PLXNA2: variants seen among roughly 807,000 people sequenced by gnomAD.
PLXNA2 encodes the protein plexin-A2.
A neutral mutation model predicts 193.5 loss-of-function variants in PLXNA2; 91 were observed. The observed-to-expected ratio is 0.47, with a 90% CI of 0.40 to 0.56. PLXNA2 has a LOEUF of 0.56. Among genes scored for constraint, PLXNA2 ranks in the 20% least tolerant of loss-of-function variants. The probability of loss-of-function intolerance (pLI) is 0.00; values close to 1 mark genes in which losing one functional copy is unlikely to be tolerated. For missense variants in PLXNA2, 1,995 were observed against 2,503.2 expected (o/e 0.80, Z 4.33); for synonymous variants, 997 against 1,027.3 (o/e 0.97, Z 0.56).
At chr1:208,189,942 C>T (rs529491620) in intron 3 of PLXNA2, among the ~76,000 whole-genome samples, 1 of 152,280 alleles carries the variant, frequency 6.6e-6, no homozygotes, top group East Asian at 1.9e-4. Flanking sequence ...GGAGAAATAT[C>T]TCCACCCTCT....
chr1:208,227,853 AG>A (rs1432217850), intron 1 of PLXNA2, among the ~76,000 whole-genome samples: 7 of 152,344 alleles, frequency 4.6e-5, no homozygotes, highest in Admixed American at 2.0e-4. Context: ...GGGGCAGGAG[AG>A]CAAGCTTAAA....
chr1:208,156,801 G>A (rs902567715), intron 3 of PLXNA2, among the ~76,000 whole-genome samples: 3 of 152,146 alleles, frequency 2.0e-5, no homozygotes, highest in African/African-American at 7.2e-5. Flanking sequence ...GCATGACAGG[G>A]TGCTTAAAAA....
intron 1 of PLXNA2, among the ~76,000 whole-genome samples, chr1:208,220,054 G>T (rs1054611228): frequency 6.6e-6 from 1 of 152,194 alleles, no homozygotes; most frequent in African/African-American, 2.4e-5. Context: ...TGCCCCTGTC[G>T]CTGGGAAGAA....
chr1:208,238,384 C>T (rs1225725420), intron 1 of PLXNA2, among the ~76,000 whole-genome samples: 1 of 152,188 alleles, frequency 6.6e-6, no homozygotes, highest in South Asian at 2.1e-4. Flanking sequence ...TGTTTTTCTT[C>T]TTTCTTTTCT....
chr1:208,062,655 C>T (rs991469765), intron 12 of PLXNA2, among the ~76,000 whole-genome samples: 15 of 152,126 alleles, frequency 9.9e-5, no homozygotes, highest in Admixed American at 3.9e-4. Context: ...AAAATATCCC[C>T]CTTATGAATA....
intron 3 of PLXNA2, among the ~76,000 whole-genome samples, chr1:208,181,890 C>G (rs1308352623): frequency 6.6e-6 from 1 of 152,132 alleles, no homozygotes; most frequent in African/African-American, 2.4e-5. Context: ...TGAAATTTTG[C>G]TAGGAAAGAA....
intron 12 of PLXNA2, among the ~76,000 whole-genome samples, chr1:208,075,723 T>A (rs187709712): frequency 6.6e-6 from 1 of 150,734 alleles, no homozygotes; most frequent in South Asian, 2.1e-4. Context: ...TTAGTTGGAA[T>A]CTAGTGTAAA....
chr1:208,234,997 C>A (rs1366514733), intron 1 of PLXNA2, among the ~76,000 whole-genome samples: 2 of 152,188 alleles, frequency 1.3e-5, no homozygotes, highest in African/African-American at 4.8e-5. Flanking sequence ...TGCAGCCAGG[C>A]AGCCAGATAC....
intron 3 of PLXNA2, among the ~76,000 whole-genome samples, chr1:208,144,504 T>G (rs774151701): frequency 6.6e-6 from 1 of 152,042 alleles, no homozygotes. Context: ...GGGTCCCCGG[T>G]GGTAGAAACA....
chr1:208,065,683 A>G (rs1665769003), intron 12 of PLXNA2, among the ~76,000 whole-genome samples: 1 of 152,194 alleles, frequency 6.6e-6, no homozygotes, highest in Non-Finnish European at 1.5e-5. Context: ...CCCGGGGTAC[A>G]AAGAGCTGCT....
Position 208,039,654 on chromosome 1 carries a change from C to T in PLXNA2, c.4467G>A (p.Lys1489=). 1.2e-6 allele frequency: 2 copies of T among 1,614,198 alleles called. No individual in the cohort carries two copies. Among genetic ancestry groups the T allele is most frequent in the Non-Finnish European group, 1.7e-6 (2 of 1,180,048 alleles). ...GEARYSLSED[K]LIRQQIEYKT... ...TGTACTCGATCTGCTGCCGGATGAG[C>T]TTGTCCTCGCTCAGGGAGTAGCGGG... Residue 1489 remains lysine, a synonymous_variant, in exon 24 of 32, where the codon AAG becomes AAA. Coordinates refer to ENST00000367033, the MANE Select transcript of PLXNA2 (RefSeq NM_025179.4).
chr1:208,038,235 C>T lies in PLXNA2; in HGVS notation c.4764+136G>A, dbSNP rs1170796231. On this transcript the variant is annotated intron_variant, in intron 26 of 31. Coordinates refer to ENST00000367033, the MANE Select transcript of PLXNA2 (RefSeq NM_025179.4). The surrounding 1 kb of genome is among the most constrained non-coding windows in gnomAD (Gnocchi z 4.1). The stretch of plus-strand genomic sequence containing the variant: ...CAATGGGCAGCCATGGCTAAGAATC[C>T]CTGTTCTATGCTCCAGCAGGAGGAG... 4.5e-6 allele frequency: 3 copies of T among 670,242 alleles called. No homozygotes were observed. Among genetic ancestry groups the T allele is most frequent in the Non-Finnish European group, 8.1e-6 (3 of 369,712 alleles). 41.5% of individuals were successfully genotyped at this position (670,242 alleles called of 1,614,324 possible).
intron 29 of PLXNA2, chr1:208,031,017 C>T (rs968286102): frequency 3.1e-5 from 31 of 987,614 alleles, no homozygotes; most frequent in South Asian, 4.7e-5. Context: ...AAAGCTATGG[C>T]GCCAGGATAA....
chr1:208,216,406 C>T (rs992492585), intron 2 of PLXNA2, among the ~76,000 whole-genome samples: 11 of 152,198 alleles, frequency 7.2e-5, no homozygotes, highest in African/African-American at 2.7e-4. Context: ...ATTTGTCTCA[C>T]CCAACTAGCG....
chr1:208,161,748 C>T (rs1348424743), intron 3 of PLXNA2, among the ~76,000 whole-genome samples: 2 of 152,102 alleles, frequency 1.3e-5, no homozygotes, highest in South Asian at 2.1e-4. Context: ...TCAGAGATAA[C>T]GGTCTTGGTT....
Position 208,025,996 on chromosome 1 carries a change from C to G in PLXNA2, c.*1247G>C, listed in dbSNP as rs1016270735. 1 of 152,594 alleles carries G rather than the reference C, an allele frequency of 6.6e-6. No homozygotes were observed. The highest frequency in any genetic ancestry group is 1.5e-5 in the Non-Finnish European group (1 of 68,048). The allele number at this position is 152,594 out of a possible 1,614,324, so 9.5% of individuals were successfully genotyped here. A position where few individuals can be genotyped will look rare whatever the true frequency, so the allele number is the denominator to read the frequency against. ...AAGGGTGGTCTCCCCTCTCCAGGCA[C>G]GAGAGAATGAAAGAAAGAAAGCATA... On this transcript the variant is annotated 3_prime_UTR_variant, in exon 32 of 32. Transcript: ENST00000367033.
intron 3 of PLXNA2, among the ~76,000 whole-genome samples, chr1:208,178,269 C>T (rs147600063): frequency 3.9e-5 from 6 of 152,306 alleles, no homozygotes; most frequent in African/African-American, 1.4e-4. Flanking sequence ...AATTAATGTA[C>T]ACAATGTGCA....
chr1:208,232,524 G>A (rs893277197), intron 1 of PLXNA2, among the ~76,000 whole-genome samples: 8 of 152,144 alleles, frequency 5.3e-5, no homozygotes, highest in Non-Finnish European at 7.3e-5. Flanking sequence ...ACTGACTTTC[G>A]TTTCTTTGCT....
Position 208,206,688 on chromosome 1 carries a change from C to G in PLXNA2, c.1371+3592G>C, listed in dbSNP as rs968905766. ...TGCTGTTTTGTTTGAATTCTTCCAC[C>G]CTTATGGTGAATCTTTGCATGTCTT... On this transcript the variant is annotated intron_variant, in intron 3 of 31. Coordinates refer to ENST00000367033, the MANE Select transcript of PLXNA2 (RefSeq NM_025179.4). 4.6e-5 allele frequency among the ~76,000 whole-genome samples: 7 copies of G among 152,070 alleles called. No homozygotes were observed. The East Asian group carries it at 1.2e-3, about 25-fold the overall frequency.
Sources: allele counts gnomAD v4.1 joint callset (sites outside exome capture counted in the v4.1 genomes callset), GRCh38; gene constraint gnomAD v4.1.1; non-coding constraint Gnocchi (gnomAD v3.1); transcripts MANE v1.5; gene names NCBI Gene and HGNC (gene_info 2026-07-23, HGNC 2026-07-21).